The following YTHDF2 variants were observed in gnomAD, a reference collection of about 807,000 sequenced individuals.
YTHDF2 encodes the protein YTH N6-methyladenosine RNA binding protein F2.
Under a neutral mutation model 50.4 loss-of-function variants are expected in YTHDF2, and 2 were observed. The observed-to-expected ratio is 0.04, with a 90% confidence interval of 0.02 to 0.12. YTHDF2 has a LOEUF of 0.12. YTHDF2 is among the 10% of genes least tolerant of loss of function. The pLI is 1.00. For missense variants in YTHDF2, 483 were observed against 722.6 expected (o/e 0.67, Z 3.80); for synonymous variants, 217 against 255.6 (o/e 0.85, Z 1.44).
chr1:28,749,337 G>A (rs955866134), intron 4 of YTHDF2, among the ~76,000 whole-genome samples: 1 of 151,756 alleles, frequency 6.6e-6, no homozygotes, highest in African/African-American at 2.4e-5. Flanking sequence ...GACTACAGGC[G>A]TCCGGCTAAT....
chr1:28,764,959 C>G (rs557977336), intron 4 of YTHDF2, among the ~76,000 whole-genome samples: 2 of 152,184 alleles, frequency 1.3e-5, no homozygotes, highest in Non-Finnish European at 2.9e-5. Context: ...ATTACAGACT[C>G]AAATTCCTGG....
intron 4 of YTHDF2, 68 bp from the exon 5 acceptor site, chr1:28,768,861 A>G: frequency 8.2e-7 from 1 of 1,224,342 alleles, no homozygotes; most frequent in South Asian, 1.5e-5. Context: ...TATTCTGTGA[A>G]GTTTTTAAAT....
At chr1:28,768,443 T>G (rs1358514663) in intron 4 of YTHDF2, among the ~76,000 whole-genome samples, 2 of 152,124 alleles carry the variant, frequency 1.3e-5, no homozygotes, top group Non-Finnish European at 2.9e-5. Flanking sequence ...TGTCAGCTTA[T>G]TAATTCTCCA....
rs904200471 is a variant in YTHDF2 at position 28,769,678 on chromosome 1, G to A, written c.*726G>A. 6.6e-6 allele frequency: 1 copy of A among 152,606 alleles called. No individual in the cohort carries two copies. Among genetic ancestry groups the A allele is most frequent in the Admixed American group, 6.5e-5 (1 of 15,270 alleles). The allele number at this position is 152,606 out of a possible 1,614,324, so 9.5% of individuals were successfully genotyped here. On this transcript the variant is annotated 3_prime_UTR_variant, in exon 5 of 5. Coordinates refer to ENST00000373812, the MANE Select transcript of YTHDF2 (RefSeq NM_016258.3). ...AAATACTGTAAAACGTGTCGTGAAT[G>A]TTTCTTCAGTTTCTTGTTCAGCCAA...
At position 28,737,580 on chromosome 1, in the gene YTHDF2, C is replaced by T; in HGVS notation, c.28-78C>T. 4.4e-6 allele frequency: 7 copies of T among 1,598,496 alleles called. No homozygotes were observed. In the South Asian group the frequency reaches 6.6e-5, roughly 15 times the overall value. On this transcript the variant is annotated intron_variant, in intron 1 of 4. Transcript: ENST00000373812. Reference sequence around the variant, plus strand: ...CCTGCTCCTTTATTCTCCCTTCGGGCCCTGCCTTAATTTGTTCTTCCTTTT... The same window carrying T: ...CCTGCTCCTTTATTCTCCCTTCGGGTCCTGCCTTAATTTGTTCTTCCTTTT...
rs546759321 is a variant in YTHDF2 at position 28,769,279 on chromosome 1, G to A, written c.*327G>A. 3.7e-5 allele frequency: 7 copies of A among 189,760 alleles called. No homozygotes were observed. In the South Asian group the frequency reaches 5.5e-4, roughly 15 times the overall value. 11.8% of individuals were successfully genotyped at this position (189,760 alleles called of 1,614,324 possible). On this transcript the variant is annotated 3_prime_UTR_variant, in exon 5 of 5. Coordinates refer to ENST00000373812, the MANE Select transcript of YTHDF2 (RefSeq NM_016258.3). ...CTATGTTTTTCGGATTTTTAAGTCC[G>A]TAAGTGCATACAGTTTTCTCTAATT...
chr1:28,755,588 G>A (rs2088025355), intron 4 of YTHDF2, among the ~76,000 whole-genome samples: 1 of 152,144 alleles, frequency 6.6e-6, no homozygotes, highest in Non-Finnish European at 1.5e-5. Context: ...GCCAACACGA[G>A]TGAGAGAAAA....
rs56876999 is a variant in YTHDF2, at chr1:28,761,131, A to ATTTTTTT, written c.1717-7783_1717-7777dup. ...AGTGTGTGTGTGTGTGTGTGTGTGT[A>ATTTTTTT]TTTTTTTTTTTTTTTTTTTTTGAGA... On this transcript the variant is annotated intron_variant, in intron 4 of 4. Coordinates refer to ENST00000373812, the MANE Select transcript of YTHDF2 (RefSeq NM_016258.3). Among the ~76,000 whole-genome samples the ATTTTTTT allele has an allele frequency of 9.7e-4, 89 of 91,396 alleles. 7 individuals are homozygous for ATTTTTTT. Among genetic ancestry groups the ATTTTTTT allele is most frequent in the African/African-American group, 3.6e-3 (79 of 22,122 alleles). 60.0% of individuals were successfully genotyped at this position (91,396 alleles called of 152,430 possible).
chr1:28,740,128 A>G (rs1165532941), intron 3 of YTHDF2, among the ~76,000 whole-genome samples: 1 of 152,254 alleles, frequency 6.6e-6, no homozygotes, highest in Non-Finnish European at 1.5e-5. Flanking sequence ...GTTTTCACAA[A>G]ACACAACCAG....
intron 4 of YTHDF2, among the ~76,000 whole-genome samples, chr1:28,750,997 GT>G (rs1203549962): frequency 2.0e-5 from 3 of 148,356 alleles, no homozygotes; most frequent in Admixed American, 6.8e-5. Context: ...GGAGGCTGAG[GT>G]ATAAGAATCG....
Position 28,737,049 on chromosome 1 carries a change from G to A in YTHDF2, c.-72G>A, listed in dbSNP as rs2087698826. ...AAAGCCTCCGCCTGCTCCCGCAGACGGGGCTCATCTGCCGCCGCCGCCGCG... is the reference window on the plus strand; with the variant it reads ...AAAGCCTCCGCCTGCTCCCGCAGACAGGGCTCATCTGCCGCCGCCGCCGCG... On this transcript the variant is annotated 5_prime_UTR_variant, in exon 1 of 5. Coordinates refer to ENST00000373812, the MANE Select transcript of YTHDF2 (RefSeq NM_016258.3). The A allele has an allele frequency of 1.6e-5, 24 of 1,542,788 alleles. 1 individual carries two copies. Among genetic ancestry groups the A allele is most frequent in the South Asian group, 2.4e-5 (2 of 84,320 alleles).
intron 4 of YTHDF2, among the ~76,000 whole-genome samples, chr1:28,752,925 A>C (rs997439762): frequency 1.3e-5 from 2 of 151,970 alleles, no homozygotes; most frequent in Non-Finnish European, 2.9e-5. Flanking sequence ...GCATAACTAA[A>C]GTATAGCTAC....
intron 4 of YTHDF2, among the ~76,000 whole-genome samples, chr1:28,764,696 C>A (rs548013206): frequency 2.0e-5 from 3 of 152,036 alleles, no homozygotes; most frequent in South Asian, 2.1e-4. Context: ...CGTGGGCCAT[C>A]GTGCCTGGCC....
In YTHDF2 at chr1:28,736,941, G is replaced by C. The variant is rs1468227484; in HGVS notation, c.-180G>C. ...AGACGGGCATTGAGCTCTTGGGCTA[G>C]AGCGTCGCCGAGTCGGAGCCGGAGC... On this transcript the variant is annotated 5_prime_UTR_variant, in exon 1 of 5. Coordinates refer to ENST00000373812, the MANE Select transcript of YTHDF2 (RefSeq NM_016258.3). 1 of 695,186 alleles carries C rather than the reference G, an allele frequency of 1.4e-6. No individual in the cohort carries two copies. The highest frequency in any genetic ancestry group is 1.9e-5 in the African/African-American group (1 of 53,244). 43.1% of individuals were successfully genotyped at this position (695,186 alleles called of 1,614,324 possible).
At chr1:28,768,882 T>C (rs368872309) in intron 4 of YTHDF2, 47 bp from the exon 5 acceptor site, 32 of 1,501,172 alleles carry the variant, frequency 2.1e-5, no homozygotes, top group Non-Finnish European at 2.8e-5. Flanking sequence ...TCATAAAGCA[T>C]GTTCAGATAA....
Position 28,742,702 on chromosome 1 carries a change from T to C in YTHDF2, c.432T>C (p.Thr144=). ...ATAACAGTTCTCAGGGACAGTCTAC[T>C]CAGAGCTCTGGATATAGTAGCAATT... ...WGNNSSQGQS[T]QSSGYSSNYA... The change falls in exon 4 of 5, where the codon ACT becomes ACC. Residue 144 remains threonine (T), a synonymous_variant. Transcript: ENST00000373812. 1 of 1,614,228 alleles carries C rather than the reference T, an allele frequency of 6.2e-7. No individual in the cohort carries two copies. The highest frequency in any genetic ancestry group is 2.2e-5 in the East Asian group (1 of 44,884).
chr1:28,759,574 T>C (rs1013350805), intron 4 of YTHDF2, among the ~76,000 whole-genome samples: 2 of 152,214 alleles, frequency 1.3e-5, no homozygotes. Context: ...GTACAGCATG[T>C]TACCGTACTG....
At chr1:28,760,294 TGTGTGTGTGTGTG>T (rs1364941309) in intron 4 of YTHDF2, among the ~76,000 whole-genome samples, 1 of 151,656 alleles carries the variant, frequency 6.6e-6, no homozygotes, top group Non-Finnish European at 1.5e-5. Flanking sequence ...TGTGTGTGTG[TGTGTGTGTGTGTG>T]TGTGTGTGAC....
chr1:28,742,593 C>T lies in YTHDF2; in HGVS notation c.323C>T (p.Pro108Leu). The T allele has an allele frequency of 1.2e-6, 2 of 1,613,934 alleles. No individual in the cohort carries two copies. The highest frequency in any genetic ancestry group is 1.7e-6 in the Non-Finnish European group (2 of 1,179,888). Residue 108 changes from proline to leucine, a missense_variant, in exon 4 of 5, where the codon CCA becomes CTA. This residue lies in a region of YTHDF2 where 385 missense variants were observed against 475.8 expected (regional missense o/e 0.81). Transcript: ENST00000373812. ...HFLPDAMFGQ[P>L]GALGSTPFLG... ...CTACCAGATGCAATGTTTGGGCAAC[C>T]AGGAGCCCTAGGTAGCACTCCATTT... is the stretch of plus-strand genomic sequence containing the variant.
Sources: gnomAD v4.1 joint callset for allele counts (sites outside exome capture counted in the v4.1 genomes callset) on GRCh38, gnomAD v4.1.1 for gene constraint, gnomAD v4.1.1 regional missense constraint, MANE v1.5 for transcripts, NCBI Gene and HGNC (gene_info 2026-07-23, HGNC 2026-07-21) for gene names.